The following SNAP91 variants were observed in gnomAD, a reference collection of about 807,000 sequenced individuals.
The protein encoded by SNAP91 is clathrin coat assembly protein AP180.
In SNAP91, 27 loss-of-function variants were observed where a neutral mutation model predicts 100.3. The ratio of observed to expected loss-of-function variants is 0.27; its 90% CI spans 0.20 to 0.37. The LOEUF (loss-of-function observed/expected upper bound fraction) is 0.37. Ranked by LOEUF, SNAP91 falls within the 10% of genes least tolerant of loss-of-function variation. SNAP91 has a pLI of 1.00. For synonymous variants in SNAP91, 404 were observed against 398.6 expected, an observed-to-expected ratio of 1.01 and a Z score of -0.16; for missense variants, 986 against 1,123.7, an observed-to-expected ratio of 0.88 and a Z score of 1.75.
At chr6:83,575,796 A>G (rs1371670271) in intron 25 of SNAP91, among the ~76,000 whole-genome samples, 5 of 152,226 alleles carry the variant, frequency 3.3e-5, no homozygotes, top group African/African-American at 9.6e-5. Flanking sequence ...CTTAGTGACA[A>G]TCTCGGAGAT....
chr6:83,692,376 G>A lies in SNAP91; in HGVS notation c.130+15422C>T, dbSNP rs542031841. On this transcript the variant is annotated intron_variant, in intron 2 of 29. Coordinates refer to ENST00000369694, the MANE Select transcript of SNAP91 (RefSeq NM_001242792.2). ...CTAAAAATACAAAAATTAGCTAGGC[G>A]TGGTAGAGCGCACCTGTAATCGCAG... is the stretch of plus-strand genomic sequence containing the variant. 7.9e-5 allele frequency among the ~76,000 whole-genome samples: 12 copies of A among 152,192 alleles called. No homozygotes were observed. In the South Asian group the frequency reaches 1.2e-3, roughly 16 times the overall value.
intron 2 of SNAP91, chr6:83,686,953 G>A (rs2099069053): frequency 1.3e-5 from 2 of 152,036 alleles, no homozygotes; most frequent in African/African-American, 4.8e-5. Context: ...CTTAGGTTTT[G>A]GTTTTCTTGG....
intron 9 of SNAP91, among the ~76,000 whole-genome samples, chr6:83,619,203 T>C (rs905016231): frequency 6.6e-6 from 1 of 152,200 alleles, no homozygotes; most frequent in African/African-American, 2.4e-5. Flanking sequence ...AAATAAAGTT[T>C]GGAGCATTCC....
chr6:83,645,062 A>T (rs2128589661), intron 7 of SNAP91, among the ~76,000 whole-genome samples: 1 of 152,290 alleles, frequency 6.6e-6, no homozygotes, highest in Non-Finnish European at 1.5e-5. Context: ...CAAATTCTCA[A>T]GCCCCACCTC....
At chr6:83,704,014 T>G (rs1027869515) in intron 2 of SNAP91, among the ~76,000 whole-genome samples, 1 of 152,210 alleles carries the variant, frequency 6.6e-6, no homozygotes, top group Admixed American at 6.5e-5. Flanking sequence ...AACTCTATTT[T>G]ATTGTTCAAG....
At chr6:83,619,015 A>C (rs1362031833) in intron 9 of SNAP91, among the ~76,000 whole-genome samples, 2 of 150,958 alleles carry the variant, frequency 1.3e-5, no homozygotes, top group Non-Finnish European at 1.5e-5. Flanking sequence ...AACAAAACAA[A>C]AAAACAAAAC....
At chr6:83,665,388 T>C in intron 3 of SNAP91, 51 bp downstream of exon 3, 1 of 1,571,696 alleles carries the variant, frequency 6.4e-7, no homozygotes, top group Non-Finnish European at 8.7e-7. Context: ...ACCATGCTCT[T>C]CCTAAAAGCC....
chr6:83,572,360 C>T (rs1809658605), intron 26 of SNAP91, among the ~76,000 whole-genome samples: 1 of 152,186 alleles, frequency 6.6e-6, no homozygotes, highest in African/African-American at 2.4e-5. Flanking sequence ...GATTCTCCCA[C>T]CTCAGCCTCC....
intron 2 of SNAP91, among the ~76,000 whole-genome samples, chr6:83,698,326 CAA>C (rs34370410): frequency 4.2e-4 from 45 of 108,084 alleles, no homozygotes; most frequent in Non-Finnish European, 5.1e-4. Flanking sequence ...TCTCCAAGGC[CAA>C]AAAAAAAAAA....
rs970714692 is a variant in SNAP91, at chr6:83,628,651, T to C, written c.766-5309A>G. Among the ~76,000 whole-genome samples, 4 of 152,298 alleles carry C rather than the reference T, an allele frequency of 2.6e-5. No homozygotes were observed. In the South Asian group the frequency reaches 8.3e-4, roughly 32 times the overall value. On this transcript the variant is annotated intron_variant, in intron 8 of 29. Coordinates refer to ENST00000369694, the MANE Select transcript of SNAP91 (RefSeq NM_001242792.2). ...GTTAAGCATTTTTTCTTATGTCTGTTGGCCATTTGTGTATCTTCTTTTGAG... is the reference window on the plus strand; with the variant it reads ...GTTAAGCATTTTTTCTTATGTCTGTCGGCCATTTGTGTATCTTCTTTTGAG...
rs189808549 is a variant in SNAP91, at chr6:83,570,901, G to A, written c.2442+4109C>T. ...AATGTGGGATGGGGGCCCCCACACA[G>A]AGTCCCTACTGGGGCACCACCAAGT... On this transcript the variant is annotated intron_variant, in intron 26 of 29. Coordinates refer to ENST00000369694, the MANE Select transcript of SNAP91 (RefSeq NM_001242792.2). 5.4e-3 allele frequency among the ~76,000 whole-genome samples: 822 copies of A among 152,262 alleles called. 4 individuals are homozygous for A. The highest frequency in any genetic ancestry group is 8.3e-3 in the Non-Finnish European group (565 of 68,006).
chr6:83,678,016 T>C (rs914729052), intron 2 of SNAP91, among the ~76,000 whole-genome samples: 1 of 152,100 alleles, frequency 6.6e-6, no homozygotes, highest in Admixed American at 6.6e-5. Flanking sequence ...GCTAGGGAGA[T>C]TTTAGAAGAT....
At chr6:83,622,846 G>A (rs897708821) in intron 9 of SNAP91, among the ~76,000 whole-genome samples, 7 of 152,126 alleles carry the variant, frequency 4.6e-5, no homozygotes, top group Admixed American at 3.3e-4. Context: ...TCATAGGGGA[G>A]ACAAGTAGTT....
At chr6:83,636,879 A>G (rs990448791) in intron 8 of SNAP91, among the ~76,000 whole-genome samples, 1 of 152,000 alleles carries the variant, frequency 6.6e-6, no homozygotes, top group Non-Finnish European at 1.5e-5. Context: ...ACTGTGGTGA[A>G]TGTTGTATAT....
chr6:83,651,145 T>C (rs527863369), intron 7 of SNAP91, among the ~76,000 whole-genome samples: 11 of 152,288 alleles, frequency 7.2e-5, no homozygotes, highest in Admixed American at 5.2e-4. Flanking sequence ...GTCCTCTTTT[T>C]TTTCTTTGTC....
chr6:83,568,349 A>C (rs993155796), intron 26 of SNAP91, among the ~76,000 whole-genome samples: 2 of 151,894 alleles, frequency 1.3e-5, no homozygotes, highest in African/African-American at 2.4e-5. Flanking sequence ...CTGTTGTGGG[A>C]TGGGGGGAGT....
At chr6:83,612,815 T>A (rs145734459) in intron 11 of SNAP91, among the ~76,000 whole-genome samples, 1,702 of 146,554 alleles carry the variant, frequency 0.012, 23 homozygotes, top group African/African-American at 0.038. Flanking sequence ...CGCTTGAACC[T>A]GGTGGGTGGA....
chr6:83,572,737 T>G (rs1430007111), intron 26 of SNAP91, among the ~76,000 whole-genome samples: 1 of 152,154 alleles, frequency 6.6e-6, no homozygotes, highest in Non-Finnish European at 1.5e-5. Flanking sequence ...AAGTATAAAT[T>G]CCTTAGAACA....
chr6:83,594,398 C>A lies in SNAP91; in HGVS notation c.1408G>T (p.Ala470Ser). 1 of 1,553,342 alleles carries A rather than the reference C, an allele frequency of 6.4e-7. No homozygotes were observed. The highest frequency in any genetic ancestry group is 1.2e-5 in the South Asian group (1 of 84,194). Residue 470 changes from alanine to serine, a missense_variant, in exon 17 of 30, where the codon GCA (alanine) becomes TCA (serine). Ala to Ser is a moderately conservative substitution (Grantham distance 99, BLOSUM62 1). This residue lies in a region of SNAP91 where 575 missense variants were observed against 579.9 expected (regional missense o/e 0.99). Transcript: ENST00000369694. ...APATPTPVAA[A>S]LDACSGNDPF... ...CCATTTCCTGAACATGCATCAAGTG[C>A]TGCTGCTACAGGGGTTGGGGTAGCT... is the stretch of plus-strand genomic sequence containing the variant.
Sources: allele counts gnomAD v4.1 joint callset (sites outside exome capture counted in the v4.1 genomes callset), GRCh38; gene constraint gnomAD v4.1.1; regional missense constraint gnomAD v4.1.1; transcripts MANE v1.5; gene names NCBI Gene and HGNC (gene_info 2026-07-23, HGNC 2026-07-21).